Variants in MLXIP observed in about 807,000 individuals in gnomAD.
The protein encoded by MLXIP is MLX-interacting protein.
MLXIP carries 30 observed loss-of-function variants against 87.2 expected under a neutral mutation model. That is an observed-to-expected ratio of 0.34 (90% CI 0.26 to 0.47). The LOEUF (loss-of-function observed/expected upper bound fraction) is 0.47, where lower values mean the gene tolerates loss of function less well. MLXIP is among the 20% of genes least tolerant of loss of function. MLXIP has a pLI of 1.00. For synonymous variants in MLXIP, 530 were observed against 514.0 expected, an observed-to-expected ratio of 1.03 and a Z score of -0.42; for missense variants, 1,002 against 1,240.1, an observed-to-expected ratio of 0.81 and a Z score of 2.88.
At chr12:122,134,107 A>G (rs1953037958) in intron 9 of MLXIP, 120 bp downstream of exon 9, 3 of 1,163,654 alleles carry the variant, frequency 2.6e-6, no homozygotes, top group African/African-American at 3.1e-5. Flanking sequence ...GTGCATGCGC[A>G]CACACATACA....
chr12:122,138,097 TG>T, intron 12 of MLXIP, 96 bp from the exon 13 acceptor site: 1 of 1,078,044 alleles, frequency 9.3e-7, no homozygotes, highest in Non-Finnish European at 1.3e-6. Context: ...TCTCTAGCCC[TG>T]GCCCTTGGGC....
At position 122,135,137 on chromosome 12, in the gene MLXIP, G is replaced by T; in HGVS notation, c.1733-87G>T. 2.0e-6 allele frequency: 3 copies of T among 1,529,644 alleles called. No homozygotes were observed. Among genetic ancestry groups the T allele is most frequent in the Non-Finnish European group, 2.7e-6 (3 of 1,123,214 alleles). 94.8% of individuals were successfully genotyped at this position (1,529,644 alleles called of 1,614,324 possible). ...TGTCCCCTGGGGTTGAGAACAAGCT[G>T]TCTCACTGGCAGAGAGGCAGCCTCT... On this transcript the variant is annotated intron_variant, in intron 9 of 16. Coordinates refer to ENST00000319080, the MANE Select transcript of MLXIP (RefSeq NM_014938.6). The surrounding 1 kb of genome is among the most constrained non-coding windows in gnomAD (Gnocchi z 5.3).
At chr12:122,105,136 G>A (rs1331493142) in intron 1 of MLXIP, among the ~76,000 whole-genome samples, 1 of 152,146 alleles carries the variant, frequency 6.6e-6, no homozygotes, top group African/African-American at 2.4e-5. Context: ...TGTCAGGTGG[G>A]CCCACTGTTG....
chr12:122,110,522 G>A (rs186718125), intron 1 of MLXIP, among the ~76,000 whole-genome samples: 4 of 152,026 alleles, frequency 2.6e-5, no homozygotes, highest in Admixed American at 6.5e-5. Flanking sequence ...CCCAACCTCA[G>A]GTGATCCACC....
At chr12:122,128,938 G>A (rs904899600) in intron 3 of MLXIP, 199 bp from the exon 4 acceptor site, 1 of 592,216 alleles carries the variant, frequency 1.7e-6, no homozygotes, top group African/African-American at 1.9e-5. Flanking sequence ...GTCTTGAAAT[G>A]ACAGCGCATT....
intron 1 of MLXIP, among the ~76,000 whole-genome samples, chr12:122,113,677 A>ATTTCT (rs1952638861): frequency 1.1e-5 from 1 of 87,946 alleles, no homozygotes; most frequent in East Asian, 3.4e-4. Context: ...AACTGCCTTC[A>ATTTCT]TTTCTTTTTT....
chr12:122,120,335 A>T (rs1452332272), intron 1 of MLXIP, among the ~76,000 whole-genome samples: 1 of 151,860 alleles, frequency 6.6e-6, no homozygotes, highest in Admixed American at 6.6e-5. Context: ...CAATCCTCCC[A>T]TCTCAGTCTT....
At chr12:122,096,707 G>A (rs778855972) in intron 1 of MLXIP, among the ~76,000 whole-genome samples, 9 of 152,202 alleles carry the variant, frequency 5.9e-5, no homozygotes, top group African/African-American at 2.2e-4. Flanking sequence ...CAGCATGCCC[G>A]CAGGACTGAT....
Position 122,135,913 on chromosome 12 carries a change from G to T in MLXIP, c.2032+247G>T. On this transcript the variant is annotated intron_variant, in intron 11 of 16. Coordinates refer to ENST00000319080, the MANE Select transcript of MLXIP (RefSeq NM_014938.6). This position sits in a 1 kb window ranked among gnomAD's most constrained non-coding sequence, Gnocchi z 5.3. ...GCAGTGTAGGTGACCCGTGTGCTCG[G>T]GGAGTCCCTGCTGACTGCCCACGAA... 1 of 476,620 alleles carries T rather than the reference G, an allele frequency of 2.1e-6. No individual in the cohort carries two copies. Among genetic ancestry groups the T allele is most frequent in the Non-Finnish European group, 3.7e-6 (1 of 273,224 alleles). 29.5% of individuals were successfully genotyped at this position (476,620 alleles called of 1,614,324 possible). A position where few individuals can be genotyped will look rare whatever the true frequency, so the allele number is the denominator to read the frequency against.
rs760703904 is a variant in MLXIP, at chr12:122,133,494, G to A, written c.1239G>A (p.Thr413=). 7 of 1,612,468 alleles carry A rather than the reference G, an allele frequency of 4.3e-6. No homozygotes were observed. The highest frequency in any genetic ancestry group is 2.2e-5 in the East Asian group (1 of 44,794). The change falls in exon 9 of 17, where the codon ACG becomes ACA. Residue 413 remains threonine (T), a synonymous_variant. Coordinates refer to ENST00000319080, the MANE Select transcript of MLXIP (RefSeq NM_014938.6). This position sits in a 1 kb window ranked among gnomAD's most constrained non-coding sequence, Gnocchi z 4.9. ...SRTEDPFIQP[T]DFGPSEPPLS... ...CTGAGGACCCGTTTATCCAGCCCAC[G>A]GACTTCGGTCCCTCAGAGCCGCCAC...
intron 1 of MLXIP, among the ~76,000 whole-genome samples, chr12:122,109,057 T>C (rs1952563620): frequency 6.6e-6 from 1 of 152,204 alleles, no homozygotes; most frequent in South Asian, 2.1e-4. Flanking sequence ...CTCAGCCTCC[T>C]GAGTAGCTGG....
intron 3 of MLXIP, chr12:122,128,783 G>C (rs1403876176): frequency 5.8e-5 from 13 of 224,032 alleles, no homozygotes; most frequent in Non-Finnish European, 1.2e-4. Flanking sequence ...ATGTGGCAGA[G>C]GCTGTGGGGA....
At position 122,129,229 on chromosome 12, in the gene MLXIP, A is replaced by G. The variant is rs765358223; in HGVS notation, c.696+3A>G. The stretch of plus-strand genomic sequence containing the variant: ...GGAGAACCTACTTCAAGAAAAGGGT[A>G]TCTGGCTGGAGTGTTCAGGCAGCCC... On this transcript the variant is annotated splice_donor_region_variant and intron_variant, in intron 4 of 16. Coordinates refer to ENST00000319080, the MANE Select transcript of MLXIP (RefSeq NM_014938.6). The G allele has an allele frequency of 3.1e-6, 5 of 1,604,702 alleles. No individual in the cohort carries two copies. The East Asian group carries it at 1.1e-4, about 36-fold the overall frequency.
intron 1 of MLXIP, among the ~76,000 whole-genome samples, chr12:122,097,899 G>T (rs1952379879): frequency 6.6e-6 from 1 of 151,812 alleles, no homozygotes; most frequent in South Asian, 2.1e-4. Context: ...GGGAAGCAAA[G>T]AACCCAGTTA....
At chr12:122,125,237 C>T (rs114490539) in intron 1 of MLXIP, among the ~76,000 whole-genome samples, 3,039 of 151,494 alleles carry the variant, frequency 0.02, 96 homozygotes, top group African/African-American at 0.068. Context: ...TTGGCTGAGG[C>T]GGCAGAATCG....
chr12:122,094,267 G>GTGCA (rs1952307233), intron 1 of MLXIP, among the ~76,000 whole-genome samples: 1 of 145,378 alleles, frequency 6.9e-6, no homozygotes, highest in African/African-American at 2.6e-5. Context: ...GTTGGTGTGT[G>GTGCA]GGTGTGTGCG....
chr12:122,104,319 C>A (rs1952485742), intron 1 of MLXIP, among the ~76,000 whole-genome samples: 1 of 152,214 alleles, frequency 6.6e-6, no homozygotes, highest in Non-Finnish European at 1.5e-5. Flanking sequence ...CTCTCCTTCC[C>A]TATCTGCGCA....
chr12:122,110,718 C>T (rs1012529678), intron 1 of MLXIP, among the ~76,000 whole-genome samples: 35 of 151,806 alleles, frequency 2.3e-4, no homozygotes, highest in African/African-American at 8.5e-4. Flanking sequence ...CTGCAGTGAG[C>T]TATGATCATG....
At chr12:122,141,245 T>A in intron 16 of MLXIP, 162 bp downstream of exon 16, 2 of 609,616 alleles carry the variant, frequency 3.3e-6, no homozygotes, top group Non-Finnish European at 4.1e-6. Flanking sequence ...GAGCGCCCAG[T>A]GGGGGCAGGA....
Sources: allele counts gnomAD v4.1 joint callset (sites outside exome capture counted in the v4.1 genomes callset), GRCh38; gene constraint gnomAD v4.1.1; non-coding constraint Gnocchi (gnomAD v3.1); transcripts MANE v1.5; gene names NCBI Gene and HGNC (gene_info 2026-07-23, HGNC 2026-07-21).